KSR2: variants seen among roughly 807,000 people sequenced by gnomAD.
KSR2 encodes kinase suppressor of ras 2.
A neutral mutation model predicts 107.8 loss-of-function variants in KSR2; 25 were observed. The ratio of observed to expected loss-of-function variants is 0.23; its 90% CI spans 0.17 to 0.32. KSR2 has a LOEUF of 0.32. Ranked by LOEUF, KSR2 falls within the 10% of genes least tolerant of loss-of-function variation. The pLI is 1.00. For missense variants in KSR2, 887 were observed against 1,268.9 expected (o/e 0.70, Z 4.57); for synonymous variants, 480 against 507.0 (o/e 0.95, Z 0.71).
intron 14 of KSR2, among the ~76,000 whole-genome samples, chr12:117,514,439 A>G (rs1171422920): frequency 1.3e-5 from 2 of 152,122 alleles, no homozygotes; most frequent in Non-Finnish European, 2.9e-5. Flanking sequence ...CTCTGGTTTA[A>G]TCCCTGGGTG....
intron 3 of KSR2, among the ~76,000 whole-genome samples, chr12:117,829,953 C>T (rs1329845075): frequency 1.3e-5 from 2 of 152,178 alleles, no homozygotes; most frequent in African/African-American, 4.8e-5. Context: ...AACACAGCAA[C>T]AGAAAATCAA....
intron 7 of KSR2, among the ~76,000 whole-genome samples, chr12:117,560,460 T>C (rs1878033195): frequency 6.6e-6 from 1 of 151,814 alleles, no homozygotes; most frequent in Non-Finnish European, 1.5e-5. Context: ...CAATGCTGAA[T>C]CACAGGGTGA....
intron 4 of KSR2, among the ~76,000 whole-genome samples, chr12:117,751,828 G>A (rs1469732621): frequency 6.6e-6 from 1 of 152,134 alleles, no homozygotes; most frequent in Non-Finnish European, 1.5e-5. Context: ...AAGTCAGTAT[G>A]GTGCTGAGCG....
chr12:117,669,605 T>C (rs756860678), intron 4 of KSR2, among the ~76,000 whole-genome samples: 2 of 151,342 alleles, frequency 1.3e-5, no homozygotes, highest in Non-Finnish European at 2.9e-5. Context: ...CAGTGTCTCA[T>C]CTCTATAATC....
At chr12:117,592,523 A>G (rs1271340637) in intron 5 of KSR2, among the ~76,000 whole-genome samples, 2 of 152,178 alleles carry the variant, frequency 1.3e-5, no homozygotes, top group Non-Finnish European at 2.9e-5. Flanking sequence ...GTGGACAGTG[A>G]TAACATCCCT....
chr12:117,885,230 A>C (rs1593339090), intron 1 of KSR2, among the ~76,000 whole-genome samples: 1 of 152,148 alleles, frequency 6.6e-6, no homozygotes, highest in East Asian at 1.9e-4. Context: ...TCCGATAGAG[A>C]TCTTAGGGGT....
chr12:117,787,971 C>A (rs1890136190), intron 3 of KSR2, among the ~76,000 whole-genome samples: 1 of 152,182 alleles, frequency 6.6e-6, no homozygotes, highest in South Asian at 2.1e-4. Context: ...TTTAAAGAAG[C>A]AATTTCTAAA....
At position 117,725,601 on chromosome 12, in the gene KSR2, T is replaced by C. The variant is rs546155075; in HGVS notation, c.986+35410A>G. ...AAGCTGCTAAAAGAAAATAGAACAT[T>C]GACAACTTTGGGATTGGCAAAGATT... On this transcript the variant is annotated intron_variant, in intron 4 of 19. Coordinates refer to ENST00000339824, the MANE Select transcript of KSR2 (RefSeq NM_173598.6). Among the ~76,000 whole-genome samples the C allele has an allele frequency of 6.6e-5, 10 of 152,212 alleles. No homozygotes were observed. In the South Asian group the frequency reaches 2.1e-3, roughly 32 times the overall value.
chr12:117,787,795 T>C (rs1242536311), intron 3 of KSR2, among the ~76,000 whole-genome samples: 1 of 152,124 alleles, frequency 6.6e-6, no homozygotes, highest in African/African-American at 2.4e-5. Flanking sequence ...GACTGTGTGA[T>C]CTCCCCCAGA....
intron 7 of KSR2, among the ~76,000 whole-genome samples, chr12:117,574,813 T>A (rs2136225094): frequency 6.6e-6 from 1 of 150,428 alleles, no homozygotes; most frequent in South Asian, 2.1e-4. Context: ...AGGGACCATG[T>A]GTAGAATAGC....
Position 117,644,191 on chromosome 12 carries a change from A to G in KSR2, c.1171+23283T>C, listed in dbSNP as rs145562810. On this transcript the variant is annotated intron_variant, in intron 5 of 19. Transcript: ENST00000339824. ...CAAGCAGACCAGATAATCTGACAGT[A>G]ATCAGTGTGTTAGTAAGCAGGAACA... is the stretch of plus-strand genomic sequence containing the variant. Among the ~76,000 whole-genome samples the G allele has an allele frequency of 9.2e-5, 14 of 152,358 alleles. No homozygotes were observed. The East Asian group carries it at 2.5e-3, about 27-fold the overall frequency.
chr12:117,779,168 A>C (rs1766517514), intron 3 of KSR2, among the ~76,000 whole-genome samples: 2 of 152,212 alleles, frequency 1.3e-5, no homozygotes, highest in South Asian at 4.1e-4. Flanking sequence ...GGCAGAGAGA[A>C]ATGTGGATAC....
rs775576925 is a variant in KSR2, at chr12:117,733,646, CCT to C, written c.986+27363_986+27364del. Among the ~76,000 whole-genome samples, 5 of 152,248 alleles carry C rather than the reference CCT, an allele frequency of 3.3e-5. No homozygotes were observed. The South Asian group carries it at 8.3e-4, about 25-fold the overall frequency. On this transcript the variant is annotated intron_variant, in intron 4 of 19. Coordinates refer to ENST00000339824, the MANE Select transcript of KSR2 (RefSeq NM_173598.6). The stretch of plus-strand genomic sequence containing the variant: ...CCCTTACAGGGAAAATTTGCCAGCC[CCT>C]GTCACAGATGCTAATTCCTTCAGAA...
chr12:117,575,326 T>C (rs1156965962), intron 7 of KSR2, among the ~76,000 whole-genome samples: 2 of 152,308 alleles, frequency 1.3e-5, no homozygotes, highest in East Asian at 3.9e-4. Flanking sequence ...AGAAGCTGCC[T>C]CCCCATCCTT....
chr12:117,951,835 G>A (rs926586698), intron 1 of KSR2, among the ~76,000 whole-genome samples: 2 of 152,206 alleles, frequency 1.3e-5, no homozygotes, highest in South Asian at 2.1e-4. Context: ...AACAGAAGGA[G>A]GACAATTCTA....
chr12:117,913,109 T>A (rs1895071758), intron 1 of KSR2, among the ~76,000 whole-genome samples: 1 of 152,116 alleles, frequency 6.6e-6, no homozygotes, highest in South Asian at 2.1e-4. Flanking sequence ...CAATGGTGTA[T>A]CCTGTCCGTT....
At chr12:117,711,469 G>C (rs541456704) in intron 4 of KSR2, among the ~76,000 whole-genome samples, 2 of 152,252 alleles carry the variant, frequency 1.3e-5, no homozygotes, top group South Asian at 4.1e-4. Context: ...ATCACAGTTG[G>C]AGGGAAGCAC....
intron 1 of KSR2, among the ~76,000 whole-genome samples, chr12:117,909,489 G>C (rs942761422): frequency 6.6e-6 from 1 of 152,182 alleles, no homozygotes; most frequent in Non-Finnish European, 1.5e-5. Context: ...ACCGAAGTGT[G>C]GTATGTGTAT....
rs1056037163 is a variant in KSR2, at chr12:117,788,886, C to T, written c.473-27362G>A. Among the ~76,000 whole-genome samples, 11 of 152,316 alleles carry T rather than the reference C, an allele frequency of 7.2e-5. No individual in the cohort carries two copies. The East Asian group carries it at 2.1e-3, about 29-fold the overall frequency. ...CTCAAGTTGAATATTCTATGATTCT[C>T]TCTCCATTAAAAAGGAAGCTCTAGG... On this transcript the variant is annotated intron_variant, in intron 3 of 19. Coordinates refer to ENST00000339824, the MANE Select transcript of KSR2 (RefSeq NM_173598.6).
Sources: gnomAD v4.1 joint callset for allele counts (sites outside exome capture counted in the v4.1 genomes callset) on GRCh38, gnomAD v4.1.1 for gene constraint, MANE v1.5 for transcripts, NCBI Gene and HGNC (gene_info 2026-07-23, HGNC 2026-07-21) for gene names.